The following NWD1 variants were observed in gnomAD, a reference collection of about 807,000 sequenced individuals.
The protein encoded by NWD1 is NACHT and WD repeat domain containing 1.
In NWD1, 129 loss-of-function variants were observed where a neutral mutation model predicts 135.1. The ratio of observed to expected loss-of-function variants is 0.96; its 90% CI spans 0.83 to 1.11. The LOEUF is 1.11. Among genes scored for constraint, NWD1 ranks in the 50% least tolerant of loss-of-function variants. The pLI is 0.00. For synonymous variants in NWD1, 773 were observed against 786.0 expected, an observed-to-expected ratio of 0.98 and a Z score of 0.28; for missense variants, 1,740 against 1,851.3, an observed-to-expected ratio of 0.94 and a Z score of 1.10.
In NWD1 at chr19:16,765,293, A is replaced by G. The variant is rs76579211; in HGVS notation, c.2410+101A>G. On this transcript the variant is annotated intron_variant, in intron 10 of 18. Coordinates refer to ENST00000524140, the MANE Select transcript of NWD1 (RefSeq NM_001007525.5). ...ATGAGCTGGATTTTCATCAATTCTC[A>G]TACCTTTCCTGTCTAAACATGTGAA... 5.5e-3 allele frequency: 6,205 copies of G among 1,121,910 alleles called. 187 individuals are homozygous for G. The African/African-American group carries it at 0.069, about 12-fold the overall frequency. The allele number at this position is 1,121,910 out of a possible 1,614,324, so 69.5% of individuals were successfully genotyped here. A position where few individuals can be genotyped will look rare whatever the true frequency, so the allele number is the denominator to read the frequency against.
At chr19:16,783,707 T>G (rs1322939500) in intron 12 of NWD1, among the ~76,000 whole-genome samples, 1 of 149,916 alleles carries the variant, frequency 6.7e-6, no homozygotes, top group Non-Finnish European at 1.5e-5. Flanking sequence ...TAAATAAAAA[T>G]AAAATTTAAG....
intron 4 of NWD1, among the ~76,000 whole-genome samples, chr19:16,742,808 C>T (rs1013100994): frequency 6.6e-6 from 1 of 151,378 alleles, no homozygotes; most frequent in African/African-American, 2.4e-5. Flanking sequence ...GCAGCTGGGA[C>T]TACAGGCATG....
intron 7 of NWD1, among the ~76,000 whole-genome samples, chr19:16,760,171 G>GACTAAACTAAACTAA (rs112199207): frequency 1.1e-3 from 165 of 151,420 alleles, no homozygotes; most frequent in African/African-American, 3.9e-3. Context: ...AACTAAACTA[G>GACTAAACTAAACTAA]ACTAAACTAA....
In NWD1 at chr19:16,808,107, C is replaced by A. The variant is rs147984852; in HGVS notation, c.4258C>A (p.Arg1420Ser). 7 of 1,613,870 alleles carry A rather than the reference C, an allele frequency of 4.3e-6. No individual in the cohort carries two copies. The South Asian group carries it at 6.6e-5, about 15-fold the overall frequency. The part of the protein sequence containing the change: ...ALLCLWDLQA[R>S]KWKFEMSYTA... Reference sequence around the variant, plus strand: ...GCTGTGTCTCTGGGACCTGCAGGCACGCAAGTGGAAATTCGAGATGAGCTA... The same window carrying A: ...GCTGTGTCTCTGGGACCTGCAGGCAAGCAAGTGGAAATTCGAGATGAGCTA... The change falls in exon 18 of 19, where the codon CGC becomes AGC. Residue 1420 changes from arginine to serine, a missense_variant. Transcript: ENST00000524140.
At chr19:16,780,501 T>G (rs1237099691) in intron 12 of NWD1, among the ~76,000 whole-genome samples, 4 of 152,134 alleles carry the variant, frequency 2.6e-5, no homozygotes, top group Non-Finnish European at 5.9e-5. Context: ...CAGAATCTCT[T>G]AAGCCTGGAC....
intron 10 of NWD1, among the ~76,000 whole-genome samples, chr19:16,766,386 A>C (rs558339368): frequency 6.6e-6 from 1 of 152,254 alleles, no homozygotes; most frequent in African/African-American, 2.4e-5. Flanking sequence ...TGGGTGACAG[A>C]GCGAGACCCT....
chr19:16,781,219 G>A (rs912201103), intron 12 of NWD1, among the ~76,000 whole-genome samples: 5 of 152,156 alleles, frequency 3.3e-5, no homozygotes, highest in African/African-American at 1.2e-4. Flanking sequence ...ATTCATTCTT[G>A]AAGACTAATC....
At chr19:16,804,422 C>T (rs949968771) in intron 17 of NWD1, among the ~76,000 whole-genome samples, 1 of 151,916 alleles carries the variant, frequency 6.6e-6, no homozygotes, top group Non-Finnish European at 1.5e-5. Flanking sequence ...TAGTGAGACC[C>T]CACCTCTACA....
Position 16,732,659 on chromosome 19 carries a change from A to AAAAAAAAAAAAG in NWD1, c.81+1391_81+1392insAGAAAAAAAAAA, listed in dbSNP as rs1331789731. On this transcript the variant is annotated intron_variant, in intron 3 of 18. Transcript: ENST00000524140. The stretch of plus-strand genomic sequence containing the variant: ...GACAGAGCAAGACTTCATCTCAAAA[A>AAAAAAAAAAAAG]AAAAAAAAAAGAAAAAGTGAAAAAG... Among the ~76,000 whole-genome samples, 170 of 116,932 alleles carry AAAAAAAAAAAAG rather than the reference A, an allele frequency of 1.5e-3. 9 individuals carry two copies. The highest frequency in any genetic ancestry group is 6.5e-3 in the African/African-American group (156 of 24,024). 76.7% of individuals were successfully genotyped at this position (116,932 alleles called of 152,430 possible).
rs539518033 is a variant in NWD1 at position 16,784,547 on chromosome 19, G to A, written c.2732-4435G>A. ...CTCCCAGGCACAGGGAGCAGCAAGT[G>A]CAAAGGCCCTGAGAGGGGAATGAGG... On this transcript the variant is annotated intron_variant, in intron 12 of 18. Coordinates refer to ENST00000524140, the MANE Select transcript of NWD1 (RefSeq NM_001007525.5). Among the ~76,000 whole-genome samples, 5 of 152,228 alleles carry A rather than the reference G, an allele frequency of 3.3e-5. No individual in the cohort carries two copies. The East Asian group carries it at 7.7e-4, about 23-fold the overall frequency.
At chr19:16,766,427 T>G (rs1266384922) in intron 10 of NWD1, among the ~76,000 whole-genome samples, 3 of 152,038 alleles carry the variant, frequency 2.0e-5, no homozygotes, top group African/African-American at 7.2e-5. Flanking sequence ...AAAAAAAACT[T>G]ATTTCTAGCT....
chr19:16,734,398 A>T (rs1292600137), intron 3 of NWD1, among the ~76,000 whole-genome samples: 1 of 151,692 alleles, frequency 6.6e-6, no homozygotes, highest in African/African-American at 2.4e-5. Flanking sequence ...AAATGCAAAA[A>T]ATTAGCCGGG....
intron 10 of NWD1, among the ~76,000 whole-genome samples, chr19:16,771,817 C>A (rs1308273936): frequency 2.0e-5 from 3 of 150,404 alleles, no homozygotes; most frequent in African/African-American, 7.3e-5. Context: ...AATGATCCAA[C>A]GCGATCACGA....
intron 12 of NWD1, among the ~76,000 whole-genome samples, chr19:16,781,799 G>T (rs765016088): frequency 5.1e-4 from 78 of 152,032 alleles, no homozygotes; most frequent in Non-Finnish European, 9.4e-4. Context: ...GCTTTAGAAA[G>T]AATCTAATCT....
chr19:16,732,216 CAA>C (rs59934633), intron 3 of NWD1, among the ~76,000 whole-genome samples: 33,753 of 114,294 alleles, frequency 0.3, 4,084 homozygotes, highest in Middle Eastern at 0.42. Flanking sequence ...GACTCCGTCT[CAA>C]AAAAAAAAAA....
chr19:16,784,165 A>G (rs1599526670), intron 12 of NWD1, among the ~76,000 whole-genome samples: 1 of 151,714 alleles, frequency 6.6e-6, no homozygotes. Context: ...AGATCATGCC[A>G]CTGCACTCCA....
At position 16,720,172 on chromosome 19, in the gene NWD1, T is replaced by C. The variant is rs1036152374; in HGVS notation, c.-226T>C. On this transcript the variant is annotated 5_prime_UTR_variant, in exon 1 of 19. Transcript: ENST00000524140. The stretch of plus-strand genomic sequence containing the variant: ...GTGGAGGAAGCTGTTGTGATGATAA[T>C]TTACTGAGCACCTACTATGTGCCAG... The C allele has an allele frequency of 3.9e-5, 6 of 152,174 alleles. No homozygotes were observed. Among genetic ancestry groups the C allele is most frequent in the African/African-American group, 1.4e-4 (6 of 41,442 alleles). The allele number at this position is 152,174 out of a possible 1,614,324, so 9.4% of individuals were successfully genotyped here.
chr19:16,723,840 C>T (rs532699881), intron 1 of NWD1, among the ~76,000 whole-genome samples: 2 of 152,180 alleles, frequency 1.3e-5, no homozygotes, highest in South Asian at 4.1e-4. Flanking sequence ...GGATTACAGA[C>T]GTGCACCGTC....
chr19:16,765,168 C>G lies in NWD1; in HGVS notation c.2386C>G (p.Pro796Ala), dbSNP rs1255196419. Residue 796 changes from proline (P) to alanine (A), a missense_variant, in exon 10 of 19, where the codon CCT (proline) becomes GCT (alanine). By Grantham distance (27) the Pro-to-Ala change is conservative (BLOSUM62 -1). Transcript: ENST00000524140. The part of the protein sequence containing the change: ...LVREALQLCR[P>A]AVELRGMERS... ...CCGTGAAGCCCTCCAGCTCTGCCGC[C>G]CTGCTGTGGAGCTCCGAGGCATGGG... The G allele has an allele frequency of 6.2e-6, 10 of 1,614,086 alleles. No individual in the cohort carries two copies. Among genetic ancestry groups the G allele is most frequent in the Non-Finnish European group, 8.5e-6 (10 of 1,180,006 alleles).
Sources: gnomAD v4.1 joint callset for allele counts (sites outside exome capture counted in the v4.1 genomes callset) on GRCh38, gnomAD v4.1.1 for gene constraint, MANE v1.5 for transcripts, NCBI Gene and HGNC (gene_info 2026-07-23, HGNC 2026-07-21) for gene names.